The following TBC1D12 variants were observed in gnomAD, a reference collection of about 807,000 sequenced individuals.
TBC1D12 encodes the protein TBC1 domain family member 12.
TBC1D12 carries 56 observed loss-of-function variants against 86.7 expected under a neutral mutation model. The observed-to-expected ratio is 0.65, with a 90% CI of 0.52 to 0.81. The LOEUF (loss-of-function observed/expected upper bound fraction) is 0.81, where lower values mean the gene tolerates loss of function less well. Among genes scored for constraint, TBC1D12 ranks in the 30% least tolerant of loss-of-function variants. TBC1D12 has a pLI of 0.00. For missense variants in TBC1D12, 1,023 were observed against 1,038.8 expected (o/e 0.98, Z 0.21); for synonymous variants, 421 against 411.7 (o/e 1.02, Z -0.27).
At chr10:94,510,719 A>G (rs1325410813) in intron 8 of TBC1D12, among the ~76,000 whole-genome samples, 1 of 151,942 alleles carries the variant, frequency 6.6e-6, no homozygotes, top group Non-Finnish European at 1.5e-5. Flanking sequence ...CCCAGGCTGG[A>G]CTCAAACTCC....
chr10:94,531,515 TA>T, intron 12 of TBC1D12, 55 bp downstream of exon 12: 1 of 1,483,866 alleles, frequency 6.7e-7, no homozygotes, highest in South Asian at 1.5e-5. Context: ...TGACTTATTG[TA>T]AAAAAGTTAG....
At position 94,534,041 on chromosome 10, in the gene TBC1D12, C is replaced by G. The variant is rs753806824; in HGVS notation, c.*945C>G. ...TTAACTCCAGTTTGAAATTTGAAAT[C>G]TAATATGTAGCTAAATCTGTGACTT... On this transcript the variant is annotated 3_prime_UTR_variant, in exon 13 of 13. Coordinates refer to ENST00000225235, the MANE Select transcript of TBC1D12 (RefSeq NM_015188.2). 1 of 152,126 alleles carries G rather than the reference C, an allele frequency of 6.6e-6. No homozygotes were observed. Among genetic ancestry groups the G allele is most frequent in the African/African-American group, 2.4e-5 (1 of 41,426 alleles). 9.4% of individuals were successfully genotyped at this position (152,126 alleles called of 1,614,324 possible). A position where few individuals can be genotyped will look rare whatever the true frequency, so the allele number is the denominator to read the frequency against.
intron 2 of TBC1D12, among the ~76,000 whole-genome samples, chr10:94,447,371 T>C (rs1210042453): frequency 1.3e-5 from 2 of 152,196 alleles, no homozygotes; most frequent in Non-Finnish European, 2.9e-5. Flanking sequence ...TTACATGTTT[T>C]GTACCTGTAT....
chr10:94,487,874 G>GT (rs34532625), intron 3 of TBC1D12, among the ~76,000 whole-genome samples: 60,700 of 148,964 alleles, frequency 0.41, 12,721 homozygotes, highest in East Asian at 0.71. Flanking sequence ...TTTTTTTTTT[G>GT]TTTTTTTAGT....
rs150530206 is a variant in TBC1D12, at chr10:94,481,249, T to G, written c.1211+6466T>G. ...TAAAGTCACTAGTTACATTGGCCCC[T>G]AAGAAGAGAGTCAGCCTGTCCTTTG... is the stretch of plus-strand genomic sequence containing the variant. On this transcript the variant is annotated intron_variant, in intron 3 of 12. Coordinates refer to ENST00000225235, the MANE Select transcript of TBC1D12 (RefSeq NM_015188.2). Among the ~76,000 whole-genome samples the G allele has an allele frequency of 4.6e-3, 706 of 152,298 alleles. 5 individuals carry two copies. The highest frequency in any genetic ancestry group is 0.015 in the African/African-American group (624 of 41,562).
intron 2 of TBC1D12, among the ~76,000 whole-genome samples, chr10:94,443,000 A>T (rs1352022802): frequency 1.3e-5 from 2 of 152,114 alleles, no homozygotes; most frequent in African/African-American, 4.8e-5. Context: ...CTCAGGAAAA[A>T]CAAAGTTAGG....
intron 2 of TBC1D12, among the ~76,000 whole-genome samples, chr10:94,461,138 T>G (rs765522316): frequency 1.3e-5 from 2 of 152,190 alleles, no homozygotes; most frequent in Admixed American, 6.5e-5. Context: ...TAAGTTTTGC[T>G]GAAAGGTAGA....
intron 9 of TBC1D12, among the ~76,000 whole-genome samples, chr10:94,515,001 G>A (rs1305356483): frequency 3.5e-5 from 5 of 142,672 alleles, no homozygotes; most frequent in Non-Finnish European, 7.5e-5. Flanking sequence ...TCCGCCTCCC[G>A]GGTTCACGCC....
intron 2 of TBC1D12, among the ~76,000 whole-genome samples, chr10:94,453,574 C>A (rs2055583940): frequency 6.6e-6 from 1 of 152,088 alleles, no homozygotes; most frequent in African/African-American, 2.4e-5. Flanking sequence ...GGTTCAGTAT[C>A]AGGCATCCAC....
chr10:94,496,977 G>T, intron 4 of TBC1D12, 78 bp from the exon 5 acceptor site: 5 of 721,560 alleles, frequency 6.9e-6, no homozygotes, highest in African/African-American at 1.9e-5. Context: ...AGTCTATTTT[G>T]TAGAGTTTAG....
In TBC1D12 at chr10:94,521,985, C is replaced by T. The variant is rs1200642640; in HGVS notation, c.1792C>T (p.Leu598Phe). The change falls in exon 10 of 13, where the codon CTC (leucine) becomes TTC (phenylalanine). Residue 598 changes from leucine to phenylalanine, a missense_variant. Physicochemically the swap from Leu to Phe is conservative, Grantham distance 22. Coordinates refer to ENST00000225235, the MANE Select transcript of TBC1D12 (RefSeq NM_015188.2). ...AGGGATGTCCTTCATTGCAGCAGTA[C>T]TCATTCTCAATTTGGAAGAGGCAGA... ...VQGMSFIAAV[L>F]ILNLEEADAF... The T allele has an allele frequency of 6.2e-7, 1 of 1,611,344 alleles. No homozygotes were observed.
At chr10:94,505,263 C>T (rs529448221) in intron 6 of TBC1D12, among the ~76,000 whole-genome samples, 141 of 152,182 alleles carry the variant, frequency 9.3e-4, no homozygotes, top group African/African-American at 3.2e-3. Flanking sequence ...TCTATGAAAT[C>T]ACTGATGGAG....
intron 2 of TBC1D12, among the ~76,000 whole-genome samples, chr10:94,453,983 C>G (rs2055589733): frequency 6.6e-6 from 1 of 152,116 alleles, no homozygotes; most frequent in African/African-American, 2.4e-5. Context: ...TTTGTCTGTT[C>G]TTTCACCAAT....
intron 3 of TBC1D12, among the ~76,000 whole-genome samples, chr10:94,477,398 A>G (rs1249488788): frequency 6.6e-6 from 1 of 152,224 alleles, no homozygotes; most frequent in Non-Finnish European, 1.5e-5. Context: ...TTCTTCTTCT[A>G]CTTCAACCAA....
In TBC1D12 at chr10:94,403,167, C is replaced by T. The variant is rs896960306; in HGVS notation, c.554C>T (p.Ala185Val). 1.4e-6 allele frequency: 2 copies of T among 1,453,408 alleles called. No individual in the cohort carries two copies. Among genetic ancestry groups the T allele is most frequent in the East Asian group, 3.0e-5 (1 of 33,048 alleles). 90.0% of individuals were successfully genotyped at this position (1,453,408 alleles called of 1,614,324 possible). The change falls in exon 1 of 13, where the codon GCG (alanine) becomes GTG (valine). Residue 185 changes from alanine to valine, a missense_variant. Ala to Val is a moderately conservative substitution (Grantham distance 64). Around this residue, in one of 2 missense-constraint regions of TBC1D12, gnomAD observed 628 missense variants for 531.1 expected, o/e 1.18. Coordinates refer to ENST00000225235, the MANE Select transcript of TBC1D12 (RefSeq NM_015188.2). Reference protein sequence around the residue: ...EGPGDEDADGAGSPSDWASPL... With the variant: ...EGPGDEDADGVGSPSDWASPL... The stretch of plus-strand genomic sequence containing the variant: ...CCTGGCGACGAGGACGCGGACGGCG[C>T]GGGAAGCCCGTCCGATTGGGCCTCT...
chr10:94,461,483 C>T (rs1285318097), intron 2 of TBC1D12, among the ~76,000 whole-genome samples: 2 of 152,158 alleles, frequency 1.3e-5, no homozygotes, highest in Non-Finnish European at 2.9e-5. Flanking sequence ...CTTTTCCTCT[C>T]CTGCTGAAAG....
intron 3 of TBC1D12, among the ~76,000 whole-genome samples, chr10:94,482,513 C>T (rs531435074): frequency 4.6e-5 from 7 of 151,786 alleles, no homozygotes; most frequent in South Asian, 4.2e-4. Flanking sequence ...TATAATGACG[C>T]GATCATGGCT....
intron 1 of TBC1D12, among the ~76,000 whole-genome samples, chr10:94,426,056 G>A (rs2055140891): frequency 6.6e-6 from 1 of 152,028 alleles, no homozygotes; most frequent in Non-Finnish European, 1.5e-5. Context: ...GAACTTTTTT[G>A]TAGATTCTAT....
chr10:94,423,455 C>G (rs1375083526), intron 1 of TBC1D12, among the ~76,000 whole-genome samples: 1 of 143,246 alleles, frequency 7.0e-6, no homozygotes, highest in East Asian at 2.2e-4. Flanking sequence ...TCAAGTGATT[C>G]TCCTGCCTCA....
Sources: allele counts gnomAD v4.1 joint callset (sites outside exome capture counted in the v4.1 genomes callset), GRCh38; gene constraint gnomAD v4.1.1; regional missense constraint gnomAD v4.1.1; transcripts MANE v1.5; gene names NCBI Gene and HGNC (gene_info 2026-07-23, HGNC 2026-07-21).